The following KCNU1 variants were observed in gnomAD, a reference collection of about 807,000 sequenced individuals.
KCNU1 encodes potassium channel subfamily U member 1.
A neutral mutation model predicts 126.8 loss-of-function variants in KCNU1; 93 were observed. The observed-to-expected ratio is 0.73, with a 90% confidence interval of 0.62 to 0.87. KCNU1 has a LOEUF of 0.87. KCNU1 is among the 40% of genes least tolerant of loss of function. The pLI is 0.00. For synonymous variants in KCNU1, 523 were observed against 494.2 expected (o/e 1.06, Z -0.77); for missense variants, 1,330 against 1,367.1 (o/e 0.97, Z 0.43).
rs372634334 is a variant in KCNU1, at chr8:36,877,410, C to G, written c.2009+12889C>G. On this transcript the variant is annotated intron_variant, in intron 19 of 26. Transcript: ENST00000399881. ...CTCTGCCTCCTGGGTTCAAGCAATT[C>G]TCGTGCCTCAGCCTCCCAAGTAGCT... is the stretch of plus-strand genomic sequence containing the variant. 4.3e-3 allele frequency among the ~76,000 whole-genome samples: 659 copies of G among 151,524 alleles called. 4 individuals carry two copies. The highest frequency in any genetic ancestry group is 0.016 in the African/African-American group (640 of 41,270).
At position 36,808,790 on chromosome 8, in the gene KCNU1, C is replaced by A; in HGVS notation, c.729C>A (p.His243Gln). 6.2e-7 allele frequency: 1 copy of A among 1,607,906 alleles called. No individual in the cohort carries two copies. The highest frequency in any genetic ancestry group is 8.5e-7 in the Non-Finnish European group (1 of 1,175,670). Residue 243 changes from histidine to glutamine, a missense_variant, in exon 7 of 27, where the codon CAC (histidine) becomes CAA (glutamine). Physicochemically the swap from His to Gln is conservative, Grantham distance 24 (BLOSUM62 0). Around this residue, in one of 3 missense-constraint regions of KCNU1, gnomAD observed 29 missense variants for 57.8 expected, o/e 0.50. Coordinates refer to ENST00000399881, the MANE Select transcript of KCNU1 (RefSeq NM_001031836.3). ...GGTTCACAGCTGCGGGATTCATTCA[C>A]CTGGTAAGCATCTCATCACAATCCC... ...STWFTAAGFI[H>Q]LVENSGDPWL...
chr8:36,840,353 G>T (rs1196978748), intron 14 of KCNU1, 110 bp from the exon 15 acceptor site: 3 of 608,636 alleles, frequency 4.9e-6, no homozygotes, highest in Non-Finnish European at 8.9e-6. Flanking sequence ...TCTTTTTTAT[G>T]ACTTACATGC....
intron 10 of KCNU1, among the ~76,000 whole-genome samples, chr8:36,830,747 CT>C (rs957013433): frequency 4.0e-5 from 6 of 150,116 alleles, no homozygotes; most frequent in Non-Finnish European, 8.9e-5. Flanking sequence ...AGATTTTTTT[CT>C]TTTTTTTAAT....
At chr8:36,794,935 A>AAAAAC (rs1239520868) in intron 2 of KCNU1, among the ~76,000 whole-genome samples, 6 of 152,040 alleles carry the variant, frequency 3.9e-5, no homozygotes, top group Admixed American at 3.9e-4. Context: ...CAACAAAAAC[A>AAAAAC]AAAACAAAAC....
At chr8:36,911,671 G>A (rs1169519597) in intron 22 of KCNU1, among the ~76,000 whole-genome samples, 1 of 152,184 alleles carries the variant, frequency 6.6e-6, no homozygotes, top group African/African-American at 2.4e-5. Context: ...ACTAGAAGGA[G>A]ATGGTGAGGG....
chr8:36,926,746 G>A (rs951217749), intron 24 of KCNU1, among the ~76,000 whole-genome samples: 3 of 152,066 alleles, frequency 2.0e-5, no homozygotes, highest in African/African-American at 4.8e-5. Context: ...CTTCCAACCT[G>A]CAGCCCAGCT....
At chr8:36,878,126 A>G (rs1415794396) in intron 19 of KCNU1, among the ~76,000 whole-genome samples, 1 of 152,212 alleles carries the variant, frequency 6.6e-6, no homozygotes, top group African/African-American at 2.4e-5. Context: ...TCAAACAAAA[A>G]TATGTCTCTT....
At chr8:36,862,462 G>A (rs1563301755) in intron 18 of KCNU1, among the ~76,000 whole-genome samples, 1 of 152,088 alleles carries the variant, frequency 6.6e-6, no homozygotes, top group Non-Finnish European at 1.5e-5. Context: ...AGACCTGGAA[G>A]GAATCAGAAG....
intron 19 of KCNU1, among the ~76,000 whole-genome samples, chr8:36,901,099 T>C (rs1033626985): frequency 6.6e-6 from 1 of 152,144 alleles, no homozygotes; most frequent in Non-Finnish European, 1.5e-5. Flanking sequence ...TAGAGGCTTT[T>C]TGAACTTTCT....
intron 19 of KCNU1, among the ~76,000 whole-genome samples, chr8:36,903,154 C>T (rs1026465543): frequency 6.6e-6 from 1 of 151,944 alleles, no homozygotes; most frequent in Middle Eastern, 3.2e-3. Flanking sequence ...CTTCTCTGTC[C>T]TATTACTTTA....
chr8:36,836,744 T>G, intron 13 of KCNU1, 49 bp from the exon 14 acceptor site: 7 of 1,542,172 alleles, frequency 4.5e-6, no homozygotes, highest in Non-Finnish European at 6.3e-6. Context: ...AGAGCTTTCT[T>G]GAGGTGTGTT....
chr8:36,918,902 G>T lies in KCNU1; in HGVS notation c.2596+5G>T. 1 of 1,578,246 alleles carries T rather than the reference G, an allele frequency of 6.3e-7. No individual in the cohort carries two copies. Among genetic ancestry groups the T allele is most frequent in the Non-Finnish European group, 8.7e-7 (1 of 1,148,786 alleles). The stretch of plus-strand genomic sequence containing the variant: ...TCCCTATCCTTACTGAACTGAGTAA[G>T]TGGTGTTTCGAGGGGAAAATTCAAT... On this transcript the variant is annotated splice_donor_5th_base_variant and intron_variant, in intron 23 of 26. Coordinates refer to ENST00000399881, the MANE Select transcript of KCNU1 (RefSeq NM_001031836.3).
chr8:36,813,994 A>T (rs1803817426), intron 7 of KCNU1, among the ~76,000 whole-genome samples: 1 of 152,134 alleles, frequency 6.6e-6, no homozygotes, highest in Non-Finnish European at 1.5e-5. Flanking sequence ...AGATTTCGGC[A>T]ATGATCACGA....
chr8:36,915,660 T>G (rs1157485029), intron 22 of KCNU1, among the ~76,000 whole-genome samples: 1 of 152,222 alleles, frequency 6.6e-6, no homozygotes, highest in Non-Finnish European at 1.5e-5. Context: ...CACTGGCTAT[T>G]TCCCACCATG....
intron 23 of KCNU1, among the ~76,000 whole-genome samples, chr8:36,921,297 C>T (rs774551824): frequency 3.2e-4 from 49 of 152,088 alleles, no homozygotes; most frequent in Admixed American, 2.6e-4. Flanking sequence ...AGGATAGGAA[C>T]CTGAGCTCAG....
chr8:36,786,198 A>T (rs532255733), intron 1 of KCNU1, among the ~76,000 whole-genome samples: 4 of 152,218 alleles, frequency 2.6e-5, no homozygotes, highest in African/African-American at 9.6e-5. Context: ...CTCTCCTTAA[A>T]TGTGCATTTA....
intron 12 of KCNU1, 97 bp downstream of exon 12, chr8:36,834,965 C>T: frequency 1.3e-6 from 1 of 782,168 alleles, no homozygotes; most frequent in Non-Finnish European, 2.1e-6. Flanking sequence ...AAAATGTCGT[C>T]TATCATATCA....
intron 18 of KCNU1, among the ~76,000 whole-genome samples, chr8:36,856,611 T>TC (rs1452176267): frequency 2.6e-5 from 4 of 152,156 alleles, no homozygotes; most frequent in Non-Finnish European, 5.9e-5. Flanking sequence ...ATGGTCTCTT[T>TC]CCCTGATCTC....
chr8:36,885,702 A>G (rs149552280), intron 19 of KCNU1, among the ~76,000 whole-genome samples: 4,013 of 152,272 alleles, frequency 0.026, 221 homozygotes, highest in East Asian at 0.22. Flanking sequence ...CCGAGGCAGG[A>G]GAATCTCTTG....
Sources: gnomAD v4.1 joint callset for allele counts (sites outside exome capture counted in the v4.1 genomes callset) on GRCh38, gnomAD v4.1.1 for gene constraint, gnomAD v4.1.1 regional missense constraint, MANE v1.5 for transcripts, NCBI Gene and HGNC (gene_info 2026-07-23, HGNC 2026-07-21) for gene names.